TBCD: variants seen among roughly 807,000 people sequenced by gnomAD.
TBCD encodes tubulin folding cofactor D.
TBCD carries 105 observed loss-of-function variants against 169.3 expected under a neutral mutation model. That is an observed-to-expected ratio of 0.62 (90% CI 0.53 to 0.73). TBCD has a LOEUF of 0.73. Among genes scored for constraint, TBCD ranks in the 30% least tolerant of loss-of-function variants. The pLI, the probability that TBCD is intolerant of heterozygous loss-of-function variation, is 0.00. For synonymous variants in TBCD, 700 were observed against 643.9 expected (o/e 1.09, Z -1.32); for missense variants, 1,444 against 1,600.1 (o/e 0.90, Z 1.66).
chr17:82,873,938 C>G (rs959096863), intron 14 of TBCD, among the ~76,000 whole-genome samples: 1 of 152,240 alleles, frequency 6.6e-6, no homozygotes, highest in African/African-American at 2.4e-5. Context: ...CCCTCTTGCT[C>G]CAGGGTCATC....
intron 34 of TBCD, among the ~76,000 whole-genome samples, chr17:82,936,650 G>C (rs933072724): frequency 6.6e-6 from 1 of 152,158 alleles, no homozygotes; most frequent in Admixed American, 6.5e-5. Context: ...CTTGACTCAC[G>C]GTCAGCAGTG....
chr17:82,925,015 G>A lies in TBCD; in HGVS notation c.2337G>A (p.Leu779=), dbSNP rs1262426460. 1.9e-6 allele frequency: 3 copies of A among 1,570,700 alleles called. No homozygotes were observed. The highest frequency in any genetic ancestry group is 2.6e-6 in the Non-Finnish European group (3 of 1,157,000). ...EMTRCGFSLA[L]GALPGFLLKG... is the part of the protein sequence containing the mutation. Reference sequence around the variant, plus strand: ...CTCGCTGTGGCTTCTCGTTGGCCTTGGGCGCCCTTCCAGGCTTCCTTCTGA... The same window carrying A: ...CTCGCTGTGGCTTCTCGTTGGCCTTAGGCGCCCTTCCAGGCTTCCTTCTGA... The change falls in exon 27 of 39, where the codon TTG becomes TTA. Residue 779 remains leucine (L), a synonymous_variant. Transcript: ENST00000355528.
At chr17:82,762,657 G>A (rs771980807) in intron 2 of TBCD, among the ~76,000 whole-genome samples, 4 of 151,892 alleles carry the variant, frequency 2.6e-5, no homozygotes, top group Admixed American at 6.6e-5. Context: ...GCTGAGGCAC[G>A]AGAATTACTT....
In TBCD at chr17:82,809,764, C is replaced by T. The variant is rs1423292192; in HGVS notation, c.1205C>T (p.Ser402Phe). Residue 402 changes from serine to phenylalanine, a missense_variant, in exon 12 of 39, where the codon TCT becomes TTT. Physicochemically the swap from Ser to Phe is radical, Grantham distance 155 (BLOSUM62 -2). Transcript: ENST00000355528. ...GCCCTGGCGGATGATGTGGTCGGGTCTGTGCTGGACTGCTTCAGGTATGTG... is the reference window on the plus strand; with the variant it reads ...GCCCTGGCGGATGATGTGGTCGGGTTTGTGCTGGACTGCTTCAGGTATGTG... ...PRALADDVVGSVLDCFSFQET... is the reference protein window; with the variant it reads ...PRALADDVVGFVLDCFSFQET... The T allele has an allele frequency of 1.2e-6, 2 of 1,613,432 alleles. No individual in the cohort carries two copies. Among genetic ancestry groups the T allele is most frequent in the African/African-American group, 2.7e-5 (2 of 74,916 alleles).
intron 1 of TBCD, among the ~76,000 whole-genome samples, chr17:82,754,227 G>C (rs2047283494): frequency 6.6e-6 from 1 of 152,106 alleles, no homozygotes. Flanking sequence ...AGGTAATCTG[G>C]GGGAAAGGGT....
intron 13 of TBCD, among the ~76,000 whole-genome samples, chr17:82,849,791 C>T (rs1051024439): frequency 6.6e-6 from 1 of 152,262 alleles, no homozygotes; most frequent in Non-Finnish European, 1.5e-5. Context: ...TGCTGGAACC[C>T]CCTTCCCTGG....
chr17:82,888,511 A>G (rs1055552891), intron 15 of TBCD, among the ~76,000 whole-genome samples: 5 of 152,148 alleles, frequency 3.3e-5, no homozygotes, highest in Non-Finnish European at 7.4e-5. Flanking sequence ...TTACTTTCCT[A>G]ATGAATTTAT....
chr17:82,847,778 C>T (rs1052742883), intron 13 of TBCD, among the ~76,000 whole-genome samples: 3 of 152,170 alleles, frequency 2.0e-5, no homozygotes, highest in Non-Finnish European at 2.9e-5. Context: ...CGTGGTACCA[C>T]GCCTGGCTAG....
chr17:82,927,453 T>A, intron 29 of TBCD, 130 bp downstream of exon 29: 1 of 1,307,818 alleles, frequency 7.6e-7, no homozygotes, highest in Non-Finnish European at 1.0e-6. Flanking sequence ...TTTTAAAGGC[T>A]CTGGGGAAGA....
At chr17:82,861,670 T>C (rs189874436) in intron 13 of TBCD, among the ~76,000 whole-genome samples, 3 of 152,272 alleles carry the variant, frequency 2.0e-5, no homozygotes, top group Admixed American at 6.5e-5. Context: ...CCTCTAAAGA[T>C]GTGGGAGTCT....
chr17:82,842,234 C>T lies in TBCD; in HGVS notation c.1318+27300C>T, dbSNP rs114753870. Among the ~76,000 whole-genome samples the T allele has an allele frequency of 7.4e-3, 1,120 of 152,312 alleles. 12 individuals carry two copies. Among genetic ancestry groups the T allele is most frequent in the African/African-American group, 0.026 (1,081 of 41,562 alleles). The stretch of plus-strand genomic sequence containing the variant: ...AGTGAGGCCTTTGAGAATCTGTGTA[C>T]CTTCCACCCTCTACCCTGCTCCTGA... On this transcript the variant is annotated intron_variant, in intron 13 of 38. Coordinates refer to ENST00000355528, the MANE Select transcript of TBCD (RefSeq NM_005993.5).
At chr17:82,876,447 CTG>C (rs2057982741) in intron 14 of TBCD, among the ~76,000 whole-genome samples, 1 of 152,214 alleles carries the variant, frequency 6.6e-6, no homozygotes, top group South Asian at 2.1e-4. Context: ...CGAAGGGAAA[CTG>C]AGAGGCCCAC....
intron 13 of TBCD, among the ~76,000 whole-genome samples, chr17:82,861,828 C>G (rs567371931): frequency 6.6e-6 from 1 of 151,998 alleles, no homozygotes; most frequent in Non-Finnish European, 1.5e-5. Flanking sequence ...GTTAGTATTA[C>G]AGCTTATTTT....
At position 82,805,974 on chromosome 17, in the gene TBCD, A is replaced by C. The variant is rs766110323; in HGVS notation, c.1050A>C (p.Glu350Asp). The C allele has an allele frequency of 9.9e-6, 16 of 1,613,784 alleles. No homozygotes were observed. Among genetic ancestry groups the C allele is most frequent in the Non-Finnish European group, 1.4e-5 (16 of 1,179,756 alleles). ...TCATCCTGACCGAAGATGACGACGA[A>C]GATGACGACGTCCCAGAGGGGGTGG... Reference protein sequence around the residue: ...KPLILTEDDDEDDDVPEGVER... With the variant: ...KPLILTEDDDDDDDVPEGVER... The change falls in exon 10 of 39, where the codon GAA becomes GAC. Residue 350 changes from glutamate (E) to aspartate (D), a missense_variant. By Grantham distance (45) the Glu-to-Asp change is conservative. Coordinates refer to ENST00000355528, the MANE Select transcript of TBCD (RefSeq NM_005993.5).
chr17:82,938,348 G>A (rs766967542), intron 36 of TBCD, among the ~76,000 whole-genome samples: 30 of 152,200 alleles, frequency 2.0e-4, no homozygotes, highest in Non-Finnish European at 2.9e-5. Flanking sequence ...TCCGGCTGGC[G>A]TTTCTATGGA....
chr17:82,840,839 G>T (rs1464532561), intron 13 of TBCD, among the ~76,000 whole-genome samples: 8 of 152,166 alleles, frequency 5.3e-5, no homozygotes, highest in Non-Finnish European at 1.0e-4. Flanking sequence ...TCGGTTTGAG[G>T]ACTGGGAAAG....
chr17:82,843,801 A>G (rs1297514420), intron 13 of TBCD, among the ~76,000 whole-genome samples: 1 of 152,122 alleles, frequency 6.6e-6, no homozygotes, highest in South Asian at 2.1e-4. Flanking sequence ...GAGTTTTGAC[A>G]AATGTGTTCT....
Position 82,880,542 on chromosome 17 carries a change from G to A in TBCD, c.1476-3603G>A, listed in dbSNP as rs1042141452. 6.6e-6 allele frequency among the ~76,000 whole-genome samples: 1 copy of A among 152,224 alleles called. No homozygotes were observed. Among genetic ancestry groups the A allele is most frequent in the Non-Finnish European group, 1.5e-5 (1 of 68,054 alleles). On this transcript the variant is annotated intron_variant, in intron 14 of 38. Coordinates refer to ENST00000355528, the MANE Select transcript of TBCD (RefSeq NM_005993.5). This position sits in a 1 kb window ranked among gnomAD's most constrained non-coding sequence, Gnocchi z 5.0. The stretch of plus-strand genomic sequence containing the variant: ...GGCTTATGACTTTGTTGTTGTTTAC[G>A]TGGAGGAACTGAAAGACCTGGGTGT...
At chr17:82,820,016 T>C (rs1327594410) in intron 13 of TBCD, among the ~76,000 whole-genome samples, 1 of 152,004 alleles carries the variant, frequency 6.6e-6, no homozygotes, top group East Asian at 1.9e-4. Context: ...TCTTGCTCTG[T>C]TGCCCAGGCT....
Sources: gnomAD v4.1 joint callset for allele counts (sites outside exome capture counted in the v4.1 genomes callset) on GRCh38, gnomAD v4.1.1 for gene constraint, Gnocchi (gnomAD v3.1) non-coding constraint, MANE v1.5 for transcripts, NCBI Gene and HGNC (gene_info 2026-07-23, HGNC 2026-07-21) for gene names.